RERE: variants seen among roughly 807,000 people sequenced by gnomAD.
The protein encoded by RERE is arginine-glutamic acid dipeptide repeats.
In RERE, 40 loss-of-function variants were observed where a neutral mutation model predicts 146.1. That is an observed-to-expected ratio of 0.27 (90% confidence interval 0.21 to 0.36). The LOEUF is 0.36. Ranked by LOEUF, RERE falls within the 10% of genes least tolerant of loss-of-function variation. RERE has a pLI of 1.00. For synonymous variants in RERE, 1,003 were observed against 866.0 expected (o/e 1.16, Z -2.78); for missense variants, 1,933 against 2,138.7 (o/e 0.90, Z 1.90).
intron 11 of RERE, among the ~76,000 whole-genome samples, chr1:8,432,019 C>T (rs754918701): frequency 6.6e-5 from 10 of 152,210 alleles, no homozygotes; most frequent in Non-Finnish European, 1.3e-4. Flanking sequence ...TACAGGGCCA[C>T]GTCATGCCAG....
chr1:8,571,434 T>C (rs1409055490), intron 4 of RERE, among the ~76,000 whole-genome samples: 1 of 152,196 alleles, frequency 6.6e-6, no homozygotes, highest in Non-Finnish European at 1.5e-5. Context: ...TAAGAAGCAC[T>C]AGAGACACAG....
At chr1:8,646,556 C>A (rs9725130) in intron 2 of RERE, among the ~76,000 whole-genome samples, 1,584 of 144,248 alleles carry the variant, frequency 0.011, 9 homozygotes, top group Admixed American at 0.014. Context: ...AACAAACAAA[C>A]AAAAAAAAAA....
At chr1:8,701,270 G>T (rs1032595765) in intron 1 of RERE, among the ~76,000 whole-genome samples, 5 of 148,004 alleles carry the variant, frequency 3.4e-5, no homozygotes, top group Non-Finnish European at 5.9e-5. Context: ...AAGGCACCGG[G>T]ATGGGGGTGA....
rs776861507 is a variant in RERE at position 8,360,126 on chromosome 1, G to T, written c.3381C>A (p.Ala1127=). 6.3e-7 allele frequency: 1 copy of T among 1,581,984 alleles called. No individual in the cohort carries two copies. The highest frequency in any genetic ancestry group is 8.6e-7 in the Non-Finnish European group (1 of 1,162,294). ...AGGAAGCGTACCTAGCTGACTGGCT[G>T]GCGTGACTGGGGGTGTCCACCACAG... ...EPTVVDTPSH[A]SQSARFYKHL... is the part of the protein sequence containing the mutation. Residue 1127 remains alanine (A), a synonymous_variant, in exon 18 of 23, where the codon GCC becomes GCA. Coordinates refer to ENST00000400908, the MANE Select transcript of RERE (RefSeq NM_001042681.2).
Position 8,817,267 on chromosome 1 carries a change from G to A in RERE, c.-252C>T, listed in dbSNP as rs560676450. The A allele has an allele frequency of 6.6e-6, 1 of 152,414 alleles. No homozygotes were observed. Among genetic ancestry groups the A allele is most frequent in the African/African-American group, 2.4e-5 (1 of 41,470 alleles). The allele number at this position is 152,414 out of a possible 1,614,324, so 9.4% of individuals were successfully genotyped here. On this transcript the variant is annotated 5_prime_UTR_variant, in exon 1 of 23. Coordinates refer to ENST00000400908, the MANE Select transcript of RERE (RefSeq NM_001042681.2). ...CGCGCGGAGGCTGCGGGGCCGCGGG[G>A]CGCAGGGCCGAGAGGGGCGGCCCGC...
intron 12 of RERE, among the ~76,000 whole-genome samples, chr1:8,403,645 C>G (rs1643341366): frequency 6.6e-6 from 1 of 151,756 alleles, no homozygotes; most frequent in Non-Finnish European, 1.5e-5. Context: ...GGATTACGAG[C>G]GTGAGCCACA....
chr1:8,759,660 C>A (rs1376391706), intron 1 of RERE, among the ~76,000 whole-genome samples: 1 of 152,162 alleles, frequency 6.6e-6, no homozygotes, highest in East Asian at 1.9e-4. Context: ...CTAAGTGGCT[C>A]TGCTAACTGC....
chr1:8,672,670 A>G (rs1372301142), intron 1 of RERE, among the ~76,000 whole-genome samples: 2 of 152,252 alleles, frequency 1.3e-5, no homozygotes, highest in Middle Eastern at 3.2e-3. Flanking sequence ...AATGTCACTT[A>G]AAATTACTAC....
chr1:8,776,118 TA>T (rs1172573143), intron 1 of RERE, among the ~76,000 whole-genome samples: 1 of 152,246 alleles, frequency 6.6e-6, no homozygotes, highest in Non-Finnish European at 1.5e-5. Flanking sequence ...ATACCAATTG[TA>T]ATAATCTCTA....
intron 1 of RERE, among the ~76,000 whole-genome samples, chr1:8,696,915 T>C (rs555987723): frequency 1.9e-4 from 27 of 141,554 alleles, no homozygotes; most frequent in African/African-American, 7.1e-4. Flanking sequence ...ATCTCAAAAA[T>C]AAAAAATAAA....
At chr1:8,496,893 A>C (rs12117910) in intron 9 of RERE, among the ~76,000 whole-genome samples, 24,948 of 152,214 alleles carry the variant, frequency 0.16, 2,365 homozygotes, top group Middle Eastern at 0.29. Context: ...TTTAAATTTT[A>C]CTTTAAGGTC....
chr1:8,491,393 C>T (rs1644978388), intron 10 of RERE, among the ~76,000 whole-genome samples: 1 of 152,162 alleles, frequency 6.6e-6, no homozygotes, highest in Admixed American at 6.5e-5. Flanking sequence ...AAGATTGCGC[C>T]ATTGCACTCC....
At position 8,435,450 on chromosome 1, in the gene RERE, T is replaced by C. The variant is rs567956712; in HGVS notation, c.1204-12643A>G. ...TGACCTCTCATCACCTGTTCTCCAG[T>C]TTGACTCAACGTCTCTTAATATATA... is the stretch of plus-strand genomic sequence containing the variant. On this transcript the variant is annotated intron_variant, in intron 11 of 22. Transcript: ENST00000400908. 2.0e-5 allele frequency among the ~76,000 whole-genome samples: 3 copies of C among 152,352 alleles called. No individual in the cohort carries two copies. The East Asian group carries it at 5.8e-4, about 29-fold the overall frequency.
chr1:8,816,929 A>G (rs1641924037), intron 1 of RERE, among the ~76,000 whole-genome samples: 2 of 152,198 alleles, frequency 1.3e-5, no homozygotes, highest in Non-Finnish European at 2.9e-5. Flanking sequence ...ATAAGAGGCC[A>G]AGAGAGAGCA....
chr1:8,712,889 A>G (rs1639695859), intron 1 of RERE, among the ~76,000 whole-genome samples: 1 of 152,086 alleles, frequency 6.6e-6, no homozygotes, highest in African/African-American at 2.4e-5. Flanking sequence ...AGTCTGTGCT[A>G]TAAGGTTGAG....
chr1:8,552,930 G>T (rs1376366109), intron 6 of RERE, among the ~76,000 whole-genome samples: 1 of 150,056 alleles, frequency 6.7e-6, no homozygotes, highest in Non-Finnish European at 1.5e-5. Context: ...TCACACACAC[G>T]TGACACCACA....
At chr1:8,729,874 T>G (rs1640047291) in intron 1 of RERE, among the ~76,000 whole-genome samples, 1 of 152,202 alleles carries the variant, frequency 6.6e-6, no homozygotes, top group Non-Finnish European at 1.5e-5. Context: ...CACATCAGGC[T>G]TTTCCAAAGA....
chr1:8,594,333 C>T (rs934259849), intron 4 of RERE, among the ~76,000 whole-genome samples: 12 of 152,134 alleles, frequency 7.9e-5, no homozygotes, highest in Non-Finnish European at 1.5e-4. Flanking sequence ...ACATAAAATA[C>T]GCTGTAAATG....
chr1:8,768,750 C>A (rs1183575679), intron 1 of RERE, among the ~76,000 whole-genome samples: 2 of 152,106 alleles, frequency 1.3e-5, no homozygotes, highest in Admixed American at 6.5e-5. Flanking sequence ...TGTAACAACA[C>A]CGACGCTTGT....
Sources: allele counts gnomAD v4.1 joint callset (sites outside exome capture counted in the v4.1 genomes callset), GRCh38; gene constraint gnomAD v4.1.1; transcripts MANE v1.5; gene names NCBI Gene and HGNC (gene_info 2026-07-23, HGNC 2026-07-21).